Variants in GRIK1 observed in about 807,000 individuals in gnomAD.
GRIK1 encodes glutamate ionotropic receptor kainate type subunit 1, also known as glutamate receptor ionotropic, kainate 1.
Under a neutral mutation model 105.7 loss-of-function variants are expected in GRIK1, and 69 were observed. That is an observed-to-expected ratio of 0.65 (90% confidence interval 0.54 to 0.80). The LOEUF is 0.80. Among genes scored for constraint, GRIK1 ranks in the 30% least tolerant of loss-of-function variants. GRIK1 has a pLI of 0.00. For synonymous variants in GRIK1, 438 were observed against 431.3 expected (o/e 1.02, Z -0.19); for missense variants, 1,109 against 1,167.3 (o/e 0.95, Z 0.73).
chr21:29,850,981 TGTCA>T (rs1463517012), intron 1 of GRIK1, among the ~76,000 whole-genome samples: 4 of 152,234 alleles, frequency 2.6e-5, no homozygotes, highest in Admixed American at 1.3e-4. Context: ...CTTTTATTAC[TGTCA>T]GTCTGTACAA....
intron 1 of GRIK1, among the ~76,000 whole-genome samples, chr21:29,919,405 T>C (rs1351268913): frequency 6.6e-6 from 1 of 152,156 alleles, no homozygotes; most frequent in Non-Finnish European, 1.5e-5. Flanking sequence ...TTAGTGGCTA[T>C]GCACACAGAG....
At chr21:29,764,917 C>T (rs2065619050) in intron 1 of GRIK1, among the ~76,000 whole-genome samples, 1 of 152,178 alleles carries the variant, frequency 6.6e-6, no homozygotes, top group Non-Finnish European at 1.5e-5. Flanking sequence ...AAACTTAGGG[C>T]TTTCAGTCTT....
At chr21:29,652,245 C>T (rs1265549643) in intron 5 of GRIK1, among the ~76,000 whole-genome samples, 1 of 152,158 alleles carries the variant, frequency 6.6e-6, no homozygotes, top group Non-Finnish European at 1.5e-5. Flanking sequence ...CACTCTTCTC[C>T]ACCAAATCTT....
rs182785064 is a variant in GRIK1 at position 29,637,076 on chromosome 21, G to A, written c.1098+5750C>T. On this transcript the variant is annotated intron_variant, in intron 7 of 17. Coordinates refer to ENST00000327783, the MANE Select transcript of GRIK1 (RefSeq NM_001330994.2). ...TGAATGTGGGTTTTAGGGAAGCCAG[G>A]GTGTCTTTAAGGCCACTGAGATTAT... 2.3e-3 allele frequency among the ~76,000 whole-genome samples: 356 copies of A among 152,150 alleles called. 3 individuals are homozygous for A. Among genetic ancestry groups the A allele is most frequent in the African/African-American group, 8.2e-3 (342 of 41,504 alleles).
intron 1 of GRIK1, among the ~76,000 whole-genome samples, chr21:29,735,812 A>C (rs1372336205): frequency 6.8e-6 from 1 of 147,474 alleles, no homozygotes. Context: ...GCGCCACTGC[A>C]CTCCAGCCTG....
intron 1 of GRIK1, among the ~76,000 whole-genome samples, chr21:29,759,278 CG>C (rs2065444243): frequency 6.6e-6 from 1 of 151,860 alleles, no homozygotes; most frequent in South Asian, 2.1e-4. Context: ...CCACCATGCC[CG>C]GCTAATTTTT....
At position 29,587,600 on chromosome 21, in the gene GRIK1, A is replaced by G; in HGVS notation, c.1570-11T>C. On this transcript the variant is annotated splice_polypyrimidine_tract_variant and intron_variant, in intron 11 of 17. Transcript: ENST00000327783. ...TGCCAGGTCAGCCCTCTGCAAAAGCAAGTCCAAAATTGTCAGCTTAGTCTA... is the reference window on the plus strand; with the variant it reads ...TGCCAGGTCAGCCCTCTGCAAAAGCGAGTCCAAAATTGTCAGCTTAGTCTA... 1 of 1,563,292 alleles carries G rather than the reference A, an allele frequency of 6.4e-7. No individual in the cohort carries two copies. Among genetic ancestry groups the G allele is most frequent in the Non-Finnish European group, 8.8e-7 (1 of 1,135,554 alleles).
At chr21:29,768,632 G>A (rs999450945) in intron 1 of GRIK1, among the ~76,000 whole-genome samples, 3 of 152,208 alleles carry the variant, frequency 2.0e-5, no homozygotes, top group African/African-American at 7.2e-5. Flanking sequence ...GGTTGCATGG[G>A]CATATGTGCA....
intron 6 of GRIK1, among the ~76,000 whole-genome samples, chr21:29,646,631 T>G (rs2062625679): frequency 6.6e-6 from 1 of 152,118 alleles, no homozygotes; most frequent in Non-Finnish European, 1.5e-5. Flanking sequence ...CATACTTAGC[T>G]GCCTGGATGG....
Position 29,563,263 on chromosome 21 carries a change from C to T in GRIK1, c.2131-1414G>A, listed in dbSNP as rs562771807. Among the ~76,000 whole-genome samples, 4 of 152,132 alleles carry T rather than the reference C, an allele frequency of 2.6e-5. No homozygotes were observed. The South Asian group carries it at 8.3e-4, about 32-fold the overall frequency. ...CGGAGTCAACTCTATCACGGTTATT[C>T]ATGCCCAGGTGTTCCTGGGGGCCAC... On this transcript the variant is annotated intron_variant, in intron 14 of 17. Transcript: ENST00000327783.
intron 3 of GRIK1, among the ~76,000 whole-genome samples, chr21:29,686,491 A>G (rs2063488729): frequency 6.6e-6 from 1 of 152,254 alleles, no homozygotes; most frequent in African/African-American, 2.4e-5. Context: ...TCATATGTGT[A>G]CAAAATTACA....
At chr21:29,848,779 A>ATATATATATATATTTTTTT in intron 1 of GRIK1, among the ~76,000 whole-genome samples, 2 of 77,866 alleles carry the variant, frequency 2.6e-5, no homozygotes, top group African/African-American at 1.2e-4. Context: ...ATATATATAT[A>ATATATATATATATTTTTTT]TTTTTTTTTT....
At chr21:29,871,679 C>G (rs112909915) in intron 1 of GRIK1, among the ~76,000 whole-genome samples, 1 of 151,508 alleles carries the variant, frequency 6.6e-6, no homozygotes, top group Non-Finnish European at 1.5e-5. Context: ...AGTTTTGAAT[C>G]GTAAGTCCTT....
chr21:29,802,161 T>G (rs919944658), intron 1 of GRIK1, among the ~76,000 whole-genome samples: 2 of 152,186 alleles, frequency 1.3e-5, no homozygotes, highest in African/African-American at 4.8e-5. Flanking sequence ...AGATCTGAAT[T>G]CTCAATTGTC....
At chr21:29,755,139 A>T (rs2065303485) in intron 1 of GRIK1, among the ~76,000 whole-genome samples, 1 of 152,238 alleles carries the variant, frequency 6.6e-6, no homozygotes, top group Admixed American at 6.5e-5. Context: ...GATGGATAAA[A>T]ACAAATATTT....
intron 4 of GRIK1, among the ~76,000 whole-genome samples, chr21:29,667,965 A>G (rs1347520134): frequency 6.6e-6 from 1 of 152,226 alleles, no homozygotes; most frequent in African/African-American, 2.4e-5. Context: ...CTTTCAGGTA[A>G]CAGGCACGGA....
At chr21:29,606,461 C>T (rs1295571689) in intron 7 of GRIK1, among the ~76,000 whole-genome samples, 1 of 151,982 alleles carries the variant, frequency 6.6e-6, no homozygotes, top group Non-Finnish European at 1.5e-5. Context: ...AACCACCGTG[C>T]CTCTCCGTCT....
intron 1 of GRIK1, among the ~76,000 whole-genome samples, chr21:29,811,319 T>C (rs2067003437): frequency 6.6e-6 from 1 of 152,152 alleles, no homozygotes; most frequent in Admixed American, 6.6e-5. Flanking sequence ...ATGTGTGCAC[T>C]CTGTCCGTAA....
intron 1 of GRIK1, among the ~76,000 whole-genome samples, chr21:29,740,733 A>C (rs2064906025): frequency 1.3e-5 from 2 of 152,176 alleles, no homozygotes; most frequent in African/African-American, 4.8e-5. Flanking sequence ...GTTTGATAGG[A>C]AAATATTTGA....
Sources: gnomAD v4.1 joint callset for allele counts (sites outside exome capture counted in the v4.1 genomes callset) on GRCh38, gnomAD v4.1.1 for gene constraint, MANE v1.5 for transcripts, NCBI Gene and HGNC (gene_info 2026-07-23, HGNC 2026-07-21) for gene names.